SEMA3D: variants seen among roughly 807,000 people sequenced by gnomAD.
The protein encoded by SEMA3D is semaphorin 3D.
SEMA3D carries 84 observed loss-of-function variants against 100.1 expected under a neutral mutation model. That is an observed-to-expected ratio of 0.84 (90% CI 0.70 to 1.01). The LOEUF (loss-of-function observed/expected upper bound fraction) is 1.01, where lower values mean the gene tolerates loss of function less well. Among genes scored for constraint, SEMA3D ranks in the 50% least tolerant of loss-of-function variants. SEMA3D has a pLI of 0.00. For synonymous variants in SEMA3D, 312 were observed against 320.7 expected (o/e 0.97, Z 0.29); for missense variants, 875 against 934.1 (o/e 0.94, Z 0.82).
chr7:85,236,281 T>TTTA, the SEMA3D span, among the ~76,000 whole-genome samples: 14 of 132,008 alleles, frequency 1.1e-4, no homozygotes, highest in African/African-American at 2.7e-4. Flanking sequence ...TTTTATTTTA[T>TTTA]TTTATTTATT....
chr7:85,162,917 C>G (rs1190607235), intron 1 of SEMA3D, among the ~76,000 whole-genome samples: 1 of 152,054 alleles, frequency 6.6e-6, no homozygotes, highest in Non-Finnish European at 1.5e-5. Context: ...GTTCAGACTC[C>G]TTGGAAGACA....
At chr7:85,084,609 T>C (rs537894283) in intron 4 of SEMA3D, among the ~76,000 whole-genome samples, 2 of 152,286 alleles carry the variant, frequency 1.3e-5, no homozygotes, top group African/African-American at 4.8e-5. Context: ...TTTTCCTTTC[T>C]TTTTAACTTT....
At chr7:85,122,543 C>G (rs986812776) in intron 2 of SEMA3D, among the ~76,000 whole-genome samples, 1 of 152,102 alleles carries the variant, frequency 6.6e-6, no homozygotes, top group Admixed American at 6.6e-5. Context: ...TTTGATCAGA[C>G]GAGACCACTT....
chr7:85,236,091 G>A, the SEMA3D span, among the ~76,000 whole-genome samples: 1 of 151,780 alleles, frequency 6.6e-6, no homozygotes, highest in South Asian at 2.1e-4. Flanking sequence ...TAGGTATAAG[G>A]CAATTACACA....
chr7:85,231,435 C>CTTTTTTTTTTTTTTTTTTTTT, the SEMA3D span, among the ~76,000 whole-genome samples: 1 of 137,858 alleles, frequency 7.3e-6, no homozygotes, highest in Non-Finnish European at 1.5e-5. Flanking sequence ...CCAATCTTTC[C>CTTTTTTTTTTTTTTTTTTTTT]CTTTTTTTTT....
chr7:85,224,967 C>A, the SEMA3D span, among the ~76,000 whole-genome samples: 2 of 147,874 alleles, frequency 1.4e-5, no homozygotes, highest in Admixed American at 6.8e-5. Context: ...TTTCGAAATA[C>A]AAAATTATTA....
At chr7:85,204,390 C>G in the SEMA3D span, among the ~76,000 whole-genome samples, 1 of 149,250 alleles carries the variant, frequency 6.7e-6, no homozygotes, top group African/African-American at 2.5e-5. Flanking sequence ...TTAAAAATAG[C>G]CTTCCAATGT....
At chr7:85,240,418 T>C in the SEMA3D span, among the ~76,000 whole-genome samples, 1 of 152,166 alleles carries the variant, frequency 6.6e-6, no homozygotes, top group African/African-American at 2.4e-5. Context: ...TTGTTGATGA[T>C]TTTTGCAACC....
At chr7:85,178,928 C>T (rs925889008) in intron 1 of SEMA3D, among the ~76,000 whole-genome samples, 6 of 152,112 alleles carry the variant, frequency 3.9e-5, no homozygotes, top group South Asian at 2.1e-4. Flanking sequence ...CTAAAAGGGG[C>T]CAAGTTACAG....
At chr7:85,228,849 A>G in the SEMA3D span, among the ~76,000 whole-genome samples, 2 of 152,164 alleles carry the variant, frequency 1.3e-5, no homozygotes, top group East Asian at 3.9e-4. Flanking sequence ...AAACAACAAC[A>G]AATAAAACCC....
chr7:85,132,003 A>G (rs780568096), intron 2 of SEMA3D, among the ~76,000 whole-genome samples: 1 of 151,918 alleles, frequency 6.6e-6, no homozygotes, highest in Admixed American at 6.6e-5. Context: ...ATTTTTGAAC[A>G]TATGTCTGAA....
At chr7:85,191,074 T>G (rs761987673), upstream of SEMA3D, among the ~76,000 whole-genome samples, 19 of 152,104 alleles carry the variant, frequency 1.2e-4, no homozygotes, top group Non-Finnish European at 2.2e-4. Context: ...CTATATTTAC[T>G]TAGCTGGGTT....
At chr7:85,059,542 C>T (rs41340245) in intron 8 of SEMA3D, among the ~76,000 whole-genome samples, 2,620 of 152,130 alleles carry the variant, frequency 0.017, 77 homozygotes, top group African/African-American at 0.06. Context: ...CCTGTCAAAC[C>T]TACAAAATGA....
chr7:85,021,187 G>A (rs1159561273), intron 13 of SEMA3D, among the ~76,000 whole-genome samples: 1 of 151,628 alleles, frequency 6.6e-6, no homozygotes, highest in African/African-American at 2.4e-5. Context: ...ATAACTCTGG[G>A]ATCTTTAAAG....
At chr7:85,220,330 C>CTTTTT in the SEMA3D span, among the ~76,000 whole-genome samples, 1 of 134,910 alleles carries the variant, frequency 7.4e-6, no homozygotes, top group Non-Finnish European at 1.6e-5. Flanking sequence ...TTTCAGGTTC[C>CTTTTT]TTTTTTTTTT....
intron 12 of SEMA3D, chr7:85,028,292 A>T: frequency 2.9e-6 from 2 of 701,420 alleles, no homozygotes; most frequent in Non-Finnish European, 2.6e-6. Flanking sequence ...TCTCAGCATC[A>T]GGGCTATCAA....
chr7:85,121,654 A>G (rs1020446058), intron 3 of SEMA3D, 87 bp downstream of exon 3: 5 of 714,830 alleles, frequency 7.0e-6, no homozygotes, highest in African/African-American at 1.9e-5. Context: ...AGAAGTCAAT[A>G]TGCTTTTCTA....
At chr7:85,140,819 A>G in intron 2 of SEMA3D, 1 of 909,802 alleles carries the variant, frequency 1.1e-6, no homozygotes, top group Non-Finnish European at 1.3e-6. Context: ...GACTGTGATT[A>G]TTATAAAAGT....
intron 6 of SEMA3D, among the ~76,000 whole-genome samples, chr7:85,071,057 G>A (rs919351768): frequency 9.9e-5 from 15 of 152,210 alleles, no homozygotes; most frequent in African/African-American, 3.4e-4. Flanking sequence ...GAGCCACTGC[G>A]TCCGGCCAGC....
Sources: allele counts gnomAD v4.1 joint callset (sites outside exome capture counted in the v4.1 genomes callset), GRCh38; gene constraint gnomAD v4.1.1; transcripts MANE v1.5; gene names NCBI Gene and HGNC (gene_info 2026-07-23, HGNC 2026-07-21).